SORCS1: variants seen among roughly 807,000 people sequenced by gnomAD.
The protein encoded by SORCS1 is VPS10 domain-containing receptor SorCS1.
Under a neutral mutation model 146.1 loss-of-function variants are expected in SORCS1, and 60 were observed. The observed-to-expected ratio is 0.41, with a 90% CI of 0.33 to 0.51. The LOEUF (loss-of-function observed/expected upper bound fraction) is 0.51, where lower values mean the gene tolerates loss of function less well. SORCS1 is among the 20% of genes least tolerant of loss of function. SORCS1 has a pLI of 0.21. For synonymous variants in SORCS1, 637 were observed against 584.0 expected (o/e 1.09, Z -1.31); for missense variants, 1,352 against 1,487.6 (o/e 0.91, Z 1.50).
chr10:107,081,397 T>C (rs1963324839), intron 1 of SORCS1, among the ~76,000 whole-genome samples: 2 of 152,242 alleles, frequency 1.3e-5, no homozygotes, highest in Non-Finnish European at 2.9e-5. Context: ...TTATATATGA[T>C]GTGAACATGT....
intron 4 of SORCS1, among the ~76,000 whole-genome samples, chr10:106,772,428 C>T (rs1159965679): frequency 6.6e-6 from 1 of 152,056 alleles, no homozygotes; most frequent in African/African-American, 2.4e-5. Context: ...TCCACAATTA[C>T]ATGAGTAAAT....
chr10:106,884,298 A>G (rs1316775988), intron 2 of SORCS1, among the ~76,000 whole-genome samples: 3 of 152,216 alleles, frequency 2.0e-5, no homozygotes, highest in African/African-American at 7.2e-5. Context: ...CCTCTCAAAT[A>G]GAGTGCTGAG....
chr10:106,903,599 G>T (rs938362261), intron 2 of SORCS1, among the ~76,000 whole-genome samples: 1 of 152,188 alleles, frequency 6.6e-6, no homozygotes, highest in African/African-American at 2.4e-5. Flanking sequence ...AACTGACTCA[G>T]CAGGACTTTT....
At chr10:106,799,064 G>T (rs1026333644) in intron 3 of SORCS1, among the ~76,000 whole-genome samples, 22 of 152,166 alleles carry the variant, frequency 1.4e-4, no homozygotes, top group African/African-American at 5.3e-4. Context: ...AGAGCCCTCA[G>T]AAATAATGCC....
intron 1 of SORCS1, among the ~76,000 whole-genome samples, chr10:107,064,405 T>G (rs527677023): frequency 2.6e-5 from 4 of 152,182 alleles, no homozygotes; most frequent in Non-Finnish European, 5.9e-5. Flanking sequence ...GGGGAAATGG[T>G]GAGGAAAAGC....
intron 23 of SORCS1, among the ~76,000 whole-genome samples, chr10:106,605,613 T>C (rs984350618): frequency 6.6e-6 from 1 of 152,170 alleles, no homozygotes; most frequent in Non-Finnish European, 1.5e-5. Context: ...TAATCTATTC[T>C]TTCTCCCACC....
At chr10:106,806,563 T>G (rs1292206881) in intron 3 of SORCS1, among the ~76,000 whole-genome samples, 1 of 118,424 alleles carries the variant, frequency 8.4e-6, no homozygotes, top group East Asian at 3.0e-4. Flanking sequence ...TGGCCCAGGC[T>G]GGAGTGCAGT....
intron 18 of SORCS1, among the ~76,000 whole-genome samples, chr10:106,648,540 C>T (rs1376859129): frequency 6.6e-6 from 1 of 152,222 alleles, no homozygotes; most frequent in Non-Finnish European, 1.5e-5. Flanking sequence ...TTTCAATTTA[C>T]CCCCTTTCTT....
rs929036157 is a variant in SORCS1, at chr10:106,845,897, A to G, written c.627-16224T>C. Among the ~76,000 whole-genome samples, 37 of 110,682 alleles carry G rather than the reference A, an allele frequency of 3.3e-4. 5 individuals are homozygous for G. Among genetic ancestry groups the G allele is most frequent in the Non-Finnish European group, 6.1e-4 (29 of 47,278 alleles). The allele number at this position is 110,682 out of a possible 152,430, so 72.6% of individuals were successfully genotyped here. A position where few individuals can be genotyped will look rare whatever the true frequency, so the allele number is the denominator to read the frequency against. ...TGTCAAAGATCAGATAGTTGTAGGTATGTGGCGTTATTTCTGAGGGCTCTG... is the reference window on the plus strand; with the variant it reads ...TGTCAAAGATCAGATAGTTGTAGGTGTGTGGCGTTATTTCTGAGGGCTCTG... On this transcript the variant is annotated intron_variant, in intron 2 of 25. Coordinates refer to ENST00000263054, the MANE Select transcript of SORCS1 (RefSeq NM_052918.5).
chr10:106,748,121 C>G (rs1163077775), intron 5 of SORCS1, among the ~76,000 whole-genome samples: 1 of 152,010 alleles, frequency 6.6e-6, no homozygotes, highest in Non-Finnish European at 1.5e-5. Flanking sequence ...GATTGCACTT[C>G]TTTTTATTGC....
At position 107,126,616 on chromosome 10, in the gene SORCS1, T is replaced by G. The variant is rs567728358; in HGVS notation, c.558+37353A>C. On this transcript the variant is annotated intron_variant, in intron 1 of 25. Transcript: ENST00000263054. ...GAAATCCTCGTTAGGAACCTTTCTC[T>G]GCATATTTGTGGAGAGTCTGTCTCC... Among the ~76,000 whole-genome samples the G allele has an allele frequency of 4.6e-5, 7 of 152,264 alleles. No individual in the cohort carries two copies. In the South Asian group the frequency reaches 1.5e-3, roughly 32 times the overall value.
At chr10:106,744,943 T>G (rs1857612593) in intron 5 of SORCS1, among the ~76,000 whole-genome samples, 1 of 152,122 alleles carries the variant, frequency 6.6e-6, no homozygotes, top group Non-Finnish European at 1.5e-5. Flanking sequence ...ACAGAGAAAG[T>G]GCATTTGCTT....
intron 5 of SORCS1, among the ~76,000 whole-genome samples, chr10:106,739,038 A>C (rs1000317162): frequency 3.9e-5 from 6 of 152,156 alleles, no homozygotes; most frequent in Non-Finnish European, 8.8e-5. Flanking sequence ...TGAACTACAG[A>C]CTCACTATGG....
At chr10:106,593,427 G>GTGAC (rs1845730270) in intron 24 of SORCS1, among the ~76,000 whole-genome samples, 1 of 152,156 alleles carries the variant, frequency 6.6e-6, no homozygotes, top group African/African-American at 2.4e-5. Flanking sequence ...CGAGCCCTGA[G>GTGAC]TGACTGTGCT....
At chr10:106,791,260 T>C (rs1389633324) in intron 3 of SORCS1, among the ~76,000 whole-genome samples, 1 of 152,252 alleles carries the variant, frequency 6.6e-6, no homozygotes, top group Non-Finnish European at 1.5e-5. Flanking sequence ...GTATTGATTG[T>C]ACAAATATGC....
intron 2 of SORCS1, among the ~76,000 whole-genome samples, chr10:106,914,374 A>G (rs1235838647): frequency 6.6e-6 from 1 of 152,196 alleles, no homozygotes; most frequent in Non-Finnish European, 1.5e-5. Context: ...GGGGTGATTT[A>G]TAAGTATGTG....
chr10:106,896,880 C>A (rs1251889187), intron 2 of SORCS1, among the ~76,000 whole-genome samples: 2 of 150,956 alleles, frequency 1.3e-5, no homozygotes, highest in Non-Finnish European at 2.9e-5. Context: ...AATCTATGCA[C>A]CAAATACTGT....
At chr10:106,579,082 A>T in intron 25 of SORCS1, 1 of 1,613,586 alleles carries the variant, frequency 6.2e-7, no homozygotes, top group Non-Finnish European at 8.5e-7. Context: ...GCTACTGGGA[A>T]TCATTTACCT....
chr10:106,626,666 T>C (rs1443860530), intron 19 of SORCS1, among the ~76,000 whole-genome samples: 1 of 152,200 alleles, frequency 6.6e-6, no homozygotes, highest in East Asian at 1.9e-4. Context: ...CAGAAGTCTG[T>C]TATGGTATAG....
Sources: gnomAD v4.1 joint callset for allele counts (sites outside exome capture counted in the v4.1 genomes callset) on GRCh38, gnomAD v4.1.1 for gene constraint, MANE v1.5 for transcripts, NCBI Gene and HGNC (gene_info 2026-07-23, HGNC 2026-07-21) for gene names.